ANXA5: variants seen among roughly 807,000 people sequenced by gnomAD.
The protein encoded by ANXA5 is annexin A5, also known as CBP-I.
In ANXA5, 40 loss-of-function variants were observed where a neutral mutation model predicts 48.1. That is an observed-to-expected ratio of 0.83 (90% CI 0.65 to 1.08). The LOEUF (loss-of-function observed/expected upper bound fraction) is 1.08. ANXA5 is among the 50% of genes least tolerant of loss of function. The pLI is 0.00. For synonymous variants in ANXA5, 113 were observed against 129.1 expected (o/e 0.88, Z 0.85); for missense variants, 357 against 376.8 (o/e 0.95, Z 0.44).
chr4:121,682,367 T>C (rs1049709337), intron 5 of ANXA5, among the ~76,000 whole-genome samples: 1 of 152,148 alleles, frequency 6.6e-6, no homozygotes, highest in Non-Finnish European at 1.5e-5. Flanking sequence ...TTTCTGCTTT[T>C]AAAAATCACA....
intron 8 of ANXA5, among the ~76,000 whole-genome samples, chr4:121,674,496 A>G (rs1432633576): frequency 2.0e-5 from 3 of 152,176 alleles, no homozygotes; most frequent in Non-Finnish European, 2.9e-5. Context: ...ATCTTGTACA[A>G]TATCACAGAC....
At chr4:121,670,068 G>T in intron 10 of ANXA5, 56 bp from the exon 11 acceptor site, 1 of 1,310,564 alleles carries the variant, frequency 7.6e-7, no homozygotes, top group Non-Finnish European at 1.1e-6. Context: ...AAAGGATTAA[G>T]TAATTAAAAA....
chr4:121,668,525 T>C lies in ANXA5; in HGVS notation c.906A>G (p.Gly302=), dbSNP rs747906124. 1 of 1,613,170 alleles carries C rather than the reference T, an allele frequency of 6.2e-7. No individual in the cohort carries two copies. Among genetic ancestry groups the C allele is most frequent in the Non-Finnish European group, 8.5e-7 (1 of 1,179,368 alleles). Residue 302 remains glycine (G), a splice_region_variant and synonymous_variant, in exon 13 of 13, where the codon GGA becomes GGG. Transcript: ENST00000296511. ...CTTTCTTATAGTCCCCAGATGTATCTCCCTGAAACCAAATGTATTCCATTA... is the reference window on the plus strand; with the variant it reads ...CTTTCTTATAGTCCCCAGATGTATCCCCCTGAAACCAAATGTATTCCATTA... ...FATSLYSMIK[G]DTSGDYKKAL...
chr4:121,694,628 G>A (rs892244926), intron 2 of ANXA5, among the ~76,000 whole-genome samples: 2 of 152,034 alleles, frequency 1.3e-5, no homozygotes, highest in African/African-American at 4.8e-5. Flanking sequence ...CGTGATCCAC[G>A]TGCCTCAGCC....
At chr4:121,692,068 G>A (rs940961348) in intron 2 of ANXA5, among the ~76,000 whole-genome samples, 2 of 152,104 alleles carry the variant, frequency 1.3e-5, no homozygotes, top group Admixed American at 6.5e-5. Flanking sequence ...ACTCGAACTG[G>A]CCTATTGCTT....
intron 8 of ANXA5, among the ~76,000 whole-genome samples, chr4:121,675,793 T>C (rs1724686664): frequency 6.6e-6 from 1 of 152,144 alleles, no homozygotes; most frequent in African/African-American, 2.4e-5. Flanking sequence ...CCCAGACCCA[T>C]AGAATCAGAA....
intron 2 of ANXA5, among the ~76,000 whole-genome samples, 160 bp downstream of exon 2, chr4:121,696,421 A>G (rs1206375394): frequency 1.3e-5 from 2 of 152,154 alleles, no homozygotes; most frequent in African/African-American, 4.8e-5. Context: ...AAACGGGGGC[A>G]GGGAAGCAAA....
intron 12 of ANXA5, among the ~76,000 whole-genome samples, chr4:121,668,957 G>A (rs1724565936): frequency 6.6e-6 from 1 of 151,368 alleles, no homozygotes; most frequent in East Asian, 1.9e-4. Flanking sequence ...AAACTCTCTA[G>A]TGTCCTTTGG....
intron 2 of ANXA5, among the ~76,000 whole-genome samples, chr4:121,694,906 A>G (rs941621084): frequency 6.6e-6 from 1 of 152,224 alleles, no homozygotes; most frequent in Non-Finnish European, 1.5e-5. Flanking sequence ...GGTTTTCTAT[A>G]CACATGGCCT....
At chr4:121,689,348 C>G (rs1560830211) in intron 2 of ANXA5, among the ~76,000 whole-genome samples, 2 of 152,126 alleles carry the variant, frequency 1.3e-5, no homozygotes, top group South Asian at 2.1e-4. Flanking sequence ...CTCCCCCGTC[C>G]AAAGTATTAT....
intron 4 of ANXA5, 63 bp downstream of exon 4, chr4:121,684,614 C>T: frequency 7.3e-7 from 1 of 1,369,280 alleles, no homozygotes. Context: ...CAGTATATTC[C>T]AAACTAGTCT....
At chr4:121,682,211 G>C (rs1034351716) in intron 5 of ANXA5, among the ~76,000 whole-genome samples, 2 of 152,060 alleles carry the variant, frequency 1.3e-5, no homozygotes, top group African/African-American at 4.8e-5. Flanking sequence ...TGACCCCCAA[G>C]TTAAGTGCTG....
At chr4:121,672,059 C>T (rs916657233) in intron 9 of ANXA5, among the ~76,000 whole-genome samples, 1 of 152,082 alleles carries the variant, frequency 6.6e-6, no homozygotes, top group Non-Finnish European at 1.5e-5. Flanking sequence ...AAAAGAAAAA[C>T]CAGAAAGATC....
chr4:121,671,658 A>C lies in ANXA5; in HGVS notation c.626-16T>G, dbSNP rs780380715. On this transcript the variant is annotated splice_polypyrimidine_tract_variant and intron_variant, in intron 9 of 12. Coordinates refer to ENST00000296511, the MANE Select transcript of ANXA5 (RefSeq NM_001154.4). ...TTGTCAAACACTAGAAAAAATAAAA[A>C]TGATTCCCTAATCATGTAGGGATCA... The C allele has an allele frequency of 8.2e-5, 125 of 1,530,696 alleles. No homozygotes were observed. Among genetic ancestry groups the C allele is most frequent in the Non-Finnish European group, 1.1e-4 (120 of 1,105,304 alleles). 94.8% of individuals were successfully genotyped at this position (1,530,696 alleles called of 1,614,324 possible). A position where few individuals can be genotyped will look rare whatever the true frequency, so the allele number is the denominator to read the frequency against.
chr4:121,678,264 G>T, intron 7 of ANXA5, 151 bp downstream of exon 7: 1 of 663,596 alleles, frequency 1.5e-6, no homozygotes, highest in Non-Finnish European at 2.6e-6. Flanking sequence ...ACACAAACAA[G>T]CACAGGCAAC....
chr4:121,668,675 G>A (rs1027294376), intron 12 of ANXA5, 148 bp from the exon 13 acceptor site: 42 of 668,176 alleles, frequency 6.3e-5, no homozygotes, highest in Non-Finnish European at 8.2e-5. Flanking sequence ...ATGTTATGCA[G>A]GGAGTTTCCT....
At position 121,696,907 on chromosome 4, in the gene ANXA5, G is replaced by A. The variant is rs1414532204; in HGVS notation, c.-80C>T. 1.8e-5 allele frequency: 5 copies of A among 273,044 alleles called. No individual in the cohort carries two copies. The highest frequency in any genetic ancestry group is 4.4e-5 in the African/African-American group (2 of 45,454). The allele number at this position is 273,044 out of a possible 1,614,324, so 16.9% of individuals were successfully genotyped here. ...TGCCCCGAAACCCCGGGAGAGCGGCGGAGAGCCGGGCGACGGTACGCGGGG... is the reference window on the plus strand; with the variant it reads ...TGCCCCGAAACCCCGGGAGAGCGGCAGAGAGCCGGGCGACGGTACGCGGGG... On this transcript the variant is annotated 5_prime_UTR_variant, in exon 1 of 13. Transcript: ENST00000296511.
chr4:121,675,935 C>T lies in ANXA5; in HGVS notation c.531+1959G>A, dbSNP rs147198718. On this transcript the variant is annotated intron_variant, in intron 8 of 12. Coordinates refer to ENST00000296511, the MANE Select transcript of ANXA5 (RefSeq NM_001154.4). ...TGTACTGTTTTCCCCTCAGGAGCCT[C>T]GTGCTGCAGCAATGCTCTCATTACA... 4.4e-3 allele frequency among the ~76,000 whole-genome samples: 663 copies of T among 152,326 alleles called. 1 individual carries two copies. Among genetic ancestry groups the T allele is most frequent in the Non-Finnish European group, 5.9e-3 (399 of 68,030 alleles).
chr4:121,668,651 C>G (rs1296346401), intron 12 of ANXA5, 124 bp from the exon 13 acceptor site: 1 of 754,618 alleles, frequency 1.3e-6, no homozygotes, highest in African/African-American at 1.7e-5. Flanking sequence ...ATCTCTGTGA[C>G]TTTCACATCA....
Sources: allele counts gnomAD v4.1 joint callset (sites outside exome capture counted in the v4.1 genomes callset), GRCh38; gene constraint gnomAD v4.1.1; transcripts MANE v1.5; gene names NCBI Gene and HGNC (gene_info 2026-07-23, HGNC 2026-07-21).